The following SDK1 variants were observed in gnomAD, a reference collection of about 807,000 sequenced individuals.
The protein encoded by SDK1 is sidekick cell adhesion molecule 1.
Under a neutral mutation model 245.5 loss-of-function variants are expected in SDK1, and 157 were observed. That is an observed-to-expected ratio of 0.64 (90% CI 0.56 to 0.73). The LOEUF (loss-of-function observed/expected upper bound fraction) is 0.73, where lower values mean the gene tolerates loss of function less well. SDK1 is among the 30% of genes least tolerant of loss of function. The pLI is 0.00. For synonymous variants in SDK1, 1,647 were observed against 1,278.5 expected, an observed-to-expected ratio of 1.29 and a Z score of -6.15; for missense variants, 3,583 against 3,002.3, an observed-to-expected ratio of 1.19 and a Z score of -4.52.
intron 1 of SDK1, among the ~76,000 whole-genome samples, chr7:3,546,680 G>A (rs941123820): frequency 6.6e-5 from 10 of 152,308 alleles, no homozygotes; most frequent in African/African-American, 2.4e-4. Context: ...AAACTGTACT[G>A]CGTAAAGACC....
intron 1 of SDK1, among the ~76,000 whole-genome samples, chr7:3,594,059 A>T (rs1044223692): frequency 1.3e-5 from 2 of 152,166 alleles, no homozygotes; most frequent in Non-Finnish European, 2.9e-5. Context: ...ATTTTAGAAC[A>T]TCCCCAAAAG....
At chr7:4,042,244 T>C (rs889396490) in intron 17 of SDK1, among the ~76,000 whole-genome samples, 1 of 136,286 alleles carries the variant, frequency 7.3e-6, no homozygotes, top group Non-Finnish European at 1.5e-5. Flanking sequence ...CCCACCTCCT[T>C]CTTCCCCATC....
rs558472124 is a variant in SDK1, at chr7:4,204,801, C to T, written c.5099-1078C>T. On this transcript the variant is annotated intron_variant, in intron 35 of 44. Transcript: ENST00000404826. Reference sequence around the variant, plus strand: ...CCCCAGGGCCCAGCTCATGGACAGCCGGGAGAGCCCCAGTGGGAGGAGGGA... The same window carrying T: ...CCCCAGGGCCCAGCTCATGGACAGCTGGGAGAGCCCCAGTGGGAGGAGGGA... Among the ~76,000 whole-genome samples, 40 of 152,272 alleles carry T rather than the reference C, an allele frequency of 2.6e-4. No homozygotes were observed. In the South Asian group the frequency reaches 7.7e-3, roughly 29 times the overall value.
At chr7:4,249,285 A>G (rs1051225144) in intron 44 of SDK1, among the ~76,000 whole-genome samples, 1 of 152,156 alleles carries the variant, frequency 6.6e-6, no homozygotes, top group African/African-American at 2.4e-5. Context: ...GGAGAGGCAG[A>G]CCTCAGCATC....
chr7:3,959,893 C>G lies in SDK1; in HGVS notation c.1234+879C>G, dbSNP rs528915449. Among the ~76,000 whole-genome samples, 6 of 152,152 alleles carry G rather than the reference C, an allele frequency of 3.9e-5. No homozygotes were observed. The East Asian group carries it at 1.2e-3, about 29-fold the overall frequency. On this transcript the variant is annotated intron_variant, in intron 8 of 44. Transcript: ENST00000404826. The stretch of plus-strand genomic sequence containing the variant: ...GCTTCAATTACAAGCTGCCCACTGT[C>G]ACCGTCTCATGTCGGGCAGCACAGG...
intron 4 of SDK1, among the ~76,000 whole-genome samples, chr7:3,701,574 G>C (rs1237380304): frequency 1.3e-5 from 2 of 152,058 alleles, no homozygotes; most frequent in Non-Finnish European, 2.9e-5. Flanking sequence ...GCCCTAGCTT[G>C]GGTGATAGAG....
At chr7:3,357,012 GC>G (rs1780815864) in intron 1 of SDK1, among the ~76,000 whole-genome samples, 1 of 142,838 alleles carries the variant, frequency 7.0e-6, no homozygotes, top group African/African-American at 2.6e-5. Context: ...CCGAGATAGT[GC>G]CACTGCACTC....
chr7:3,766,740 A>G (rs1046062156), intron 4 of SDK1, among the ~76,000 whole-genome samples: 7 of 152,230 alleles, frequency 4.6e-5, no homozygotes, highest in Non-Finnish European at 7.3e-5. Context: ...AATAGGAACA[A>G]ATGATGAGAT....
intron 1 of SDK1, chr7:3,338,704 C>T (rs988499987): frequency 2.8e-5 from 5 of 176,602 alleles, no homozygotes; most frequent in Admixed American, 6.3e-5. Context: ...AGAGTAAAGG[C>T]AACTTACATG....
At chr7:3,596,045 A>G (rs960998129) in intron 1 of SDK1, among the ~76,000 whole-genome samples, 1 of 151,096 alleles carries the variant, frequency 6.6e-6, no homozygotes, top group African/African-American at 2.4e-5. Context: ...CCTCCTTGGT[A>G]TGAAGTAGAT....
intron 5 of SDK1, among the ~76,000 whole-genome samples, chr7:3,838,842 C>T (rs1347343257): frequency 6.6e-6 from 1 of 152,094 alleles, no homozygotes; most frequent in East Asian, 1.9e-4. Context: ...TTAATATAAC[C>T]AAGTCTCTAT....
At chr7:3,354,369 G>A (rs548855996) in intron 1 of SDK1, among the ~76,000 whole-genome samples, 1 of 152,172 alleles carries the variant, frequency 6.6e-6, no homozygotes, top group African/African-American at 2.4e-5. Flanking sequence ...AGAAACCAAT[G>A]TGACTGTTTC....
intron 5 of SDK1, among the ~76,000 whole-genome samples, chr7:3,929,560 G>A (rs970366533): frequency 1.9e-4 from 29 of 152,254 alleles, no homozygotes; most frequent in African/African-American, 7.0e-4. Context: ...GATTTTCTTG[G>A]CATCCTTAAA....
chr7:3,644,404 C>T (rs977708661), intron 4 of SDK1, among the ~76,000 whole-genome samples: 1 of 151,264 alleles, frequency 6.6e-6, no homozygotes, highest in Non-Finnish European at 1.5e-5. Flanking sequence ...TAAAAGATGC[C>T]TCGAGTTTCG....
intron 4 of SDK1, among the ~76,000 whole-genome samples, chr7:3,729,507 C>A (rs193215081): frequency 1.3e-5 from 2 of 152,282 alleles, no homozygotes; most frequent in Non-Finnish European, 2.9e-5. Context: ...TGGTAAACAT[C>A]CTGAAATTCA....
At chr7:3,317,289 GT>G (rs1370231368) in intron 1 of SDK1, among the ~76,000 whole-genome samples, 2 of 149,616 alleles carry the variant, frequency 1.3e-5, no homozygotes, top group Non-Finnish European at 3.0e-5. Flanking sequence ...AATTTTTAAA[GT>G]AAGGTTTTTA....
chr7:4,048,031 T>A (rs1214257079), intron 17 of SDK1, among the ~76,000 whole-genome samples: 1 of 152,164 alleles, frequency 6.6e-6, no homozygotes, highest in Admixed American at 6.5e-5. Flanking sequence ...TCCTCCTGCA[T>A]GCCTGGGAAG....
At chr7:3,456,168 T>G (rs1780658659) in intron 1 of SDK1, among the ~76,000 whole-genome samples, 1 of 152,234 alleles carries the variant, frequency 6.6e-6, no homozygotes. Context: ...TTTTCTTCAG[T>G]TTTTATTAAT....
chr7:3,340,567 C>G (rs149653358), intron 1 of SDK1, among the ~76,000 whole-genome samples: 8,485 of 152,156 alleles, frequency 0.056, 342 homozygotes, highest in East Asian at 0.13. Context: ...TCGAGACCAT[C>G]CTGGCTAACA....
Sources: allele counts gnomAD v4.1 joint callset (sites outside exome capture counted in the v4.1 genomes callset), GRCh38; gene constraint gnomAD v4.1.1; transcripts MANE v1.5; gene names NCBI Gene and HGNC (gene_info 2026-07-23, HGNC 2026-07-21).